OXSR1: variants seen among roughly 807,000 people sequenced by gnomAD.
The protein encoded by OXSR1 is serine/threonine-protein kinase OSR1.
OXSR1 carries 24 observed loss-of-function variants against 79.8 expected under a neutral mutation model. The ratio of observed to expected loss-of-function variants is 0.30; its 90% CI spans 0.22 to 0.42. The LOEUF is 0.42. Ranked by LOEUF, OXSR1 falls within the 10% of genes least tolerant of loss-of-function variation. The pLI is 1.00. For missense variants in OXSR1, 430 were observed against 618.4 expected, an observed-to-expected ratio of 0.70 and a Z score of 3.23; for synonymous variants, 226 against 209.2, an observed-to-expected ratio of 1.08 and a Z score of -0.69.
intron 16 of OXSR1, among the ~76,000 whole-genome samples, chr3:38,251,755 A>G (rs1026205423): frequency 6.6e-6 from 1 of 152,232 alleles, no homozygotes; most frequent in Non-Finnish European, 1.5e-5. Flanking sequence ...AAGCTTGGCC[A>G]TATCTGATCT....
chr3:38,182,907 A>G lies in OXSR1; in HGVS notation c.71-96A>G. On this transcript the variant is annotated intron_variant, in intron 1 of 17. Coordinates refer to ENST00000311806, the MANE Select transcript of OXSR1 (RefSeq NM_005109.3). The stretch of plus-strand genomic sequence containing the variant: ...ATCTGTTATGCGCTGTAGGAACAAG[A>G]TAAGGATTACTCTTGTTTAAATTGT... The G allele has an allele frequency of 7.5e-6, 5 of 668,270 alleles. No individual in the cohort carries two copies. In the South Asian group the frequency reaches 1.0e-4, roughly 13 times the overall value. 41.4% of individuals were successfully genotyped at this position (668,270 alleles called of 1,614,324 possible). A position where few individuals can be genotyped will look rare whatever the true frequency, so the allele number is the denominator to read the frequency against.
At chr3:38,243,716 T>G (rs1358238009) in intron 12 of OXSR1, among the ~76,000 whole-genome samples, 1 of 152,258 alleles carries the variant, frequency 6.6e-6, no homozygotes, top group African/African-American at 2.4e-5. Context: ...TATGTGATTA[T>G]GTACATTTGT....
intron 6 of OXSR1, among the ~76,000 whole-genome samples, chr3:38,222,492 G>T (rs1702608834): frequency 6.6e-6 from 1 of 152,148 alleles, no homozygotes; most frequent in African/African-American, 2.4e-5. Context: ...AGAGCAGAGT[G>T]GGGAGGGGAA....
chr3:38,199,587 A>G (rs1702126209), intron 4 of OXSR1, among the ~76,000 whole-genome samples: 1 of 152,204 alleles, frequency 6.6e-6, no homozygotes, highest in South Asian at 2.1e-4. Context: ...TATCTAAATA[A>G]TCTATCTTAG....
chr3:38,219,105 A>G (rs1333073815), intron 5 of OXSR1, among the ~76,000 whole-genome samples: 2 of 152,124 alleles, frequency 1.3e-5, no homozygotes, highest in Non-Finnish European at 2.9e-5. Context: ...GGTTGGATTG[A>G]TTATGTTTCC....
At chr3:38,165,519 A>C, upstream of OXSR1, 1 of 249,266 alleles carries the variant, frequency 4.0e-6, no homozygotes, top group Non-Finnish European at 7.8e-6. Flanking sequence ...CGGCAGGTGG[A>C]GGAAGAGGGG....
intron 1 of OXSR1, among the ~76,000 whole-genome samples, chr3:38,177,786 C>G (rs1034554421): frequency 5.9e-5 from 9 of 152,048 alleles, no homozygotes; most frequent in African/African-American, 2.2e-4. Context: ...CGGGGTCTTG[C>G]CATGTTGCCC....
Position 38,254,718 on chromosome 3 carries a change from G to GT in OXSR1, c.*1839dup, listed in dbSNP as rs557569901. ...GGCTTACCGCTTACCTTAGAGTTTT[G>GT]TTTTTTTTTTTTCAAACCCATCAAA... On this transcript the variant is annotated 3_prime_UTR_variant, in exon 18 of 18. Coordinates refer to ENST00000311806, the MANE Select transcript of OXSR1 (RefSeq NM_005109.3). 12,816 of 143,292 alleles carry GT rather than the reference G, an allele frequency of 0.089. 705 individuals carry two copies. Among genetic ancestry groups the GT allele is most frequent in the African/African-American group, 0.16 (6,258 of 39,326 alleles). The allele number at this position is 143,292 out of a possible 1,614,324, so 8.9% of individuals were successfully genotyped here. A position where few individuals can be genotyped will look rare whatever the true frequency, so the allele number is the denominator to read the frequency against.
chr3:38,252,669 T>C (rs566072461), intron 17 of OXSR1, 148 bp from the exon 18 acceptor site: 8 of 665,738 alleles, frequency 1.2e-5, no homozygotes, highest in Admixed American at 1.0e-4. Flanking sequence ...CCCTCTTTTC[T>C]GGAATAAACA....
rs146175618 is a variant in OXSR1, at chr3:38,183,043, C to T, written c.111C>T (p.Ala37=). The T allele has an allele frequency of 4.8e-5, 78 of 1,612,276 alleles. No homozygotes were observed. Among genetic ancestry groups the T allele is most frequent in the Non-Finnish European group, 6.3e-5 (74 of 1,179,238 alleles). The stretch of plus-strand genomic sequence containing the variant: ...CTGTAGTCCAAGCAGCTTATTGTGC[C>T]CCTAAAAAGGAGAAAGTGGCAATCA... ...ATAVVQAAYC[A]PKKEKVAIKR... The change falls in exon 2 of 18, where the codon GCC becomes GCT. Residue 37 remains alanine, a synonymous_variant. Coordinates refer to ENST00000311806, the MANE Select transcript of OXSR1 (RefSeq NM_005109.3).
intron 3 of OXSR1, among the ~76,000 whole-genome samples, chr3:38,192,013 A>G (rs907349745): frequency 6.6e-6 from 1 of 152,152 alleles, no homozygotes; most frequent in African/African-American, 2.4e-5. Flanking sequence ...TTTTTTAAGG[A>G]TCAAGTTTTA....
intron 3 of OXSR1, among the ~76,000 whole-genome samples, chr3:38,192,002 C>CT (rs1397151255): frequency 6.6e-6 from 1 of 152,088 alleles, no homozygotes; most frequent in African/African-American, 2.4e-5. Context: ...ATAATGGAGT[C>CT]TTTTTTAAGG....
At chr3:38,167,392 C>T (rs1701488068) in intron 1 of OXSR1, among the ~76,000 whole-genome samples, 1 of 152,208 alleles carries the variant, frequency 6.6e-6, no homozygotes, top group Admixed American at 6.5e-5. Context: ...CTCAATCCAA[C>T]GGACATGAGC....
intron 4 of OXSR1, among the ~76,000 whole-genome samples, chr3:38,215,623 A>G (rs1702467728): frequency 1.3e-5 from 2 of 152,154 alleles, no homozygotes; most frequent in Admixed American, 1.3e-4. Flanking sequence ...AGTTGTGTTT[A>G]GGTTTTTAAA....
At chr3:38,238,239 T>G (rs971325759) in intron 11 of OXSR1, among the ~76,000 whole-genome samples, 5 of 152,146 alleles carry the variant, frequency 3.3e-5, no homozygotes, top group Admixed American at 6.6e-5. Context: ...GAATTCTTTT[T>G]AAGAACATGA....
intron 2 of OXSR1, among the ~76,000 whole-genome samples, chr3:38,188,112 G>A (rs992994382): frequency 1.3e-5 from 2 of 152,048 alleles, no homozygotes; most frequent in African/African-American, 2.4e-5. Flanking sequence ...TGGATTTTGT[G>A]TTTTTTTGAT....
At chr3:38,221,747 C>A in intron 6 of OXSR1, 60 bp downstream of exon 6, 2 of 932,008 alleles carry the variant, frequency 2.1e-6, no homozygotes, top group Non-Finnish European at 3.4e-6. Context: ...ACTGAAAAAA[C>A]TTAATAGTGC....
intron 15 of OXSR1, among the ~76,000 whole-genome samples, chr3:38,250,607 A>G (rs1559530656): frequency 6.6e-6 from 1 of 152,106 alleles, no homozygotes; most frequent in Non-Finnish European, 1.5e-5. Flanking sequence ...CAGTGTTCTA[A>G]TTTGGGGAGT....
chr3:38,236,677 A>G, intron 10 of OXSR1, 162 bp from the exon 11 acceptor site: 3 of 529,976 alleles, frequency 5.7e-6, no homozygotes, highest in Non-Finnish European at 9.7e-6. Context: ...GTCAACAGAG[A>G]GCAGGTGATG....
Sources: allele counts gnomAD v4.1 joint callset (sites outside exome capture counted in the v4.1 genomes callset), GRCh38; gene constraint gnomAD v4.1.1; transcripts MANE v1.5; gene names NCBI Gene and HGNC (gene_info 2026-07-23, HGNC 2026-07-21).